The following E2F5 variants were observed in gnomAD, a reference collection of about 807,000 sequenced individuals.
The protein encoded by E2F5 is transcription factor E2F5.
In E2F5, 23 loss-of-function variants were observed where a neutral mutation model predicts 39.1. The observed-to-expected ratio is 0.59, with a 90% CI of 0.42 to 0.83. The LOEUF (loss-of-function observed/expected upper bound fraction) is 0.83, where lower values mean the gene tolerates loss of function less well. Among genes scored for constraint, E2F5 ranks in the 40% least tolerant of loss-of-function variants. The pLI is 0.00. For missense variants in E2F5, 365 were observed against 406.7 expected (o/e 0.90, Z 0.88); for synonymous variants, 145 against 157.8 (o/e 0.92, Z 0.61).
chr8:85,193,099 G>A (rs1812500202), intron 1 of E2F5, among the ~76,000 whole-genome samples: 1 of 152,046 alleles, frequency 6.6e-6, no homozygotes, highest in Admixed American at 6.5e-5. Context: ...AATAAATGTT[G>A]GGTATTCTAA....
chr8:85,212,659 CTAAT>C (rs1812961643), intron 7 of E2F5: 1 of 152,824 alleles, frequency 6.5e-6, no homozygotes, highest in African/African-American at 2.4e-5. Flanking sequence ...CTACAATATG[CTAAT>C]TACTTTAATA....
chr8:85,211,643 G>GC (rs1812923685), intron 6 of E2F5, among the ~76,000 whole-genome samples: 3 of 52,194 alleles, frequency 5.7e-5, no homozygotes, highest in Admixed American at 2.2e-4. Flanking sequence ...GTTTGTTGTT[G>GC]TTTTTTTTTT....
In E2F5 at chr8:85,213,959, T is replaced by A. The variant is rs769384722; in HGVS notation, c.*97T>A. ...ATTTAAAATAATGAATGTAACACCTTTTTTAGTTCACTGATTCTGAAGTGT... is the reference window on the plus strand; with the variant it reads ...ATTTAAAATAATGAATGTAACACCTATTTTAGTTCACTGATTCTGAAGTGT... On this transcript the variant is annotated 3_prime_UTR_variant, in exon 8 of 8. Transcript: ENST00000416274. 1.4e-5 allele frequency: 10 copies of A among 706,406 alleles called. No individual in the cohort carries two copies. Among genetic ancestry groups the A allele is most frequent in the Non-Finnish European group, 2.1e-5 (9 of 418,652 alleles). 43.8% of individuals were successfully genotyped at this position (706,406 alleles called of 1,614,324 possible). A position where few individuals can be genotyped will look rare whatever the true frequency, so the allele number is the denominator to read the frequency against.
intron 1 of E2F5, among the ~76,000 whole-genome samples, chr8:85,193,504 A>C (rs1263091288): frequency 6.6e-6 from 1 of 152,080 alleles, no homozygotes; most frequent in Non-Finnish European, 1.5e-5. Flanking sequence ...CAATCAATAA[A>C]ATGCTCCTAT....
At chr8:85,180,511 C>T (rs1300182327) in intron 1 of E2F5, among the ~76,000 whole-genome samples, 95 of 80,824 alleles carry the variant, frequency 1.2e-3, no homozygotes, top group South Asian at 2.6e-3. Flanking sequence ...AGAAACTATA[C>T]ATATATATAT....
At chr8:85,188,704 C>T (rs1022652623) in intron 1 of E2F5, among the ~76,000 whole-genome samples, 3 of 152,160 alleles carry the variant, frequency 2.0e-5, no homozygotes, top group Non-Finnish European at 4.4e-5. Context: ...TCCTGCTTGG[C>T]ACCAGGCTGG....
At chr8:85,207,174 C>T (rs1227017705) in intron 4 of E2F5, among the ~76,000 whole-genome samples, 1 of 152,164 alleles carries the variant, frequency 6.6e-6, no homozygotes, top group Non-Finnish European at 1.5e-5. Context: ...TCAACTTGAG[C>T]TGAATTTGTT....
chr8:85,204,463 G>A (rs1298318786), intron 3 of E2F5, among the ~76,000 whole-genome samples: 5 of 146,096 alleles, frequency 3.4e-5, no homozygotes, highest in Non-Finnish European at 6.0e-5. Context: ...AACACCTCAT[G>A]TTCTCACTCA....
intron 1 of E2F5, among the ~76,000 whole-genome samples, chr8:85,199,281 C>T (rs766787438): frequency 2.6e-5 from 4 of 152,148 alleles, no homozygotes; most frequent in Non-Finnish European, 4.4e-5. Flanking sequence ...GAATGCTCTA[C>T]CACCAAACAT....
At chr8:85,203,457 G>A (rs1000410396) in intron 3 of E2F5, among the ~76,000 whole-genome samples, 51 of 152,022 alleles carry the variant, frequency 3.4e-4, no homozygotes, top group African/African-American at 9.4e-4. Flanking sequence ...ATCCGTTAGC[G>A]TTATTCCTGT....
intron 1 of E2F5, among the ~76,000 whole-genome samples, chr8:85,180,240 C>T (rs1003324423): frequency 1.3e-5 from 2 of 151,344 alleles, no homozygotes; most frequent in African/African-American, 4.9e-5. Context: ...AGGCTGGTCT[C>T]GAACTCCCAA....
At chr8:85,196,945 C>G (rs1812594747) in intron 1 of E2F5, among the ~76,000 whole-genome samples, 2 of 152,026 alleles carry the variant, frequency 1.3e-5, no homozygotes, top group Non-Finnish European at 2.9e-5. Flanking sequence ...CATAAAGTAC[C>G]ATGTGGCTCA....
At chr8:85,182,855 G>A (rs1287643173) in intron 1 of E2F5, among the ~76,000 whole-genome samples, 1 of 152,082 alleles carries the variant, frequency 6.6e-6, no homozygotes, top group Non-Finnish European at 1.5e-5. Context: ...AATTATACCT[G>A]AATTAATGTG....
At chr8:85,208,522 A>G (rs1812845553) in intron 5 of E2F5, among the ~76,000 whole-genome samples, 1 of 152,212 alleles carries the variant, frequency 6.6e-6, no homozygotes, top group Non-Finnish European at 1.5e-5. Context: ...ATTTTTAAAA[A>G]CAAACTAATT....
At chr8:85,198,946 G>A (rs188466056) in intron 1 of E2F5, among the ~76,000 whole-genome samples, 1 of 152,104 alleles carries the variant, frequency 6.6e-6, no homozygotes, top group Non-Finnish European at 1.5e-5. Flanking sequence ...TCCTTCTGTA[G>A]TATACCTTAT....
chr8:85,182,442 T>C (rs1189127061), intron 1 of E2F5, among the ~76,000 whole-genome samples: 3 of 152,240 alleles, frequency 2.0e-5, no homozygotes, highest in Admixed American at 2.0e-4. Context: ...ATTGTTATTC[T>C]CTATGTTATA....
chr8:85,213,878 G>A lies in E2F5; in HGVS notation c.*16G>A, dbSNP rs990286165. 16 of 1,449,600 alleles carry A rather than the reference G, an allele frequency of 1.1e-5. No individual in the cohort carries two copies. Among genetic ancestry groups the A allele is most frequent in the Non-Finnish European group, 1.6e-5 (16 of 1,032,054 alleles). 89.8% of individuals were successfully genotyped at this position (1,449,600 alleles called of 1,614,324 possible). A position where few individuals can be genotyped will look rare whatever the true frequency, so the allele number is the denominator to read the frequency against. ...AAATTATTAGATTCCATGGAAACTT[G>A]GGACTGTTATCTACCTCTAACTGTG... is the stretch of plus-strand genomic sequence containing the variant. On this transcript the variant is annotated 3_prime_UTR_variant, in exon 8 of 8. Coordinates refer to ENST00000416274, the MANE Select transcript of E2F5 (RefSeq NM_001951.4).
chr8:85,190,058 C>T (rs1812427858), intron 1 of E2F5, among the ~76,000 whole-genome samples: 1 of 152,184 alleles, frequency 6.6e-6, no homozygotes, highest in South Asian at 2.1e-4. Flanking sequence ...GAACAACGTT[C>T]AGACACCTAC....
intron 1 of E2F5, among the ~76,000 whole-genome samples, chr8:85,181,077 C>T (rs1311821467): frequency 6.6e-6 from 1 of 151,852 alleles, no homozygotes; most frequent in Non-Finnish European, 1.5e-5. Flanking sequence ...AGGGTTTTGC[C>T]ATATTGCCCA....
Sources: gnomAD v4.1 joint callset for allele counts (sites outside exome capture counted in the v4.1 genomes callset) on GRCh38, gnomAD v4.1.1 for gene constraint, MANE v1.5 for transcripts, NCBI Gene and HGNC (gene_info 2026-07-23, HGNC 2026-07-21) for gene names.